CLIC4: variants seen among roughly 807,000 people sequenced by gnomAD.
The protein encoded by CLIC4 is chloride intracellular channel protein 4.
CLIC4 carries 13 observed loss-of-function variants against 24.6 expected under a neutral mutation model. That is an observed-to-expected ratio of 0.53 (90% CI 0.34 to 0.84). The LOEUF (loss-of-function observed/expected upper bound fraction) is 0.84, where lower values mean the gene tolerates loss of function less well. Ranked by LOEUF, CLIC4 falls within the 40% of genes least tolerant of loss-of-function variation. The pLI is 0.01. For missense variants in CLIC4, 227 were observed against 301.7 expected (o/e 0.75, Z 1.83); for synonymous variants, 104 against 111.3 (o/e 0.93, Z 0.41).
intron 1 of CLIC4, among the ~76,000 whole-genome samples, chr1:24,785,878 A>G (rs907872219): frequency 6.9e-6 from 1 of 145,644 alleles, no homozygotes; most frequent in African/African-American, 2.5e-5. Flanking sequence ...AAAAAAAAAG[A>G]AAAGAAAAAA....
At chr1:24,748,918 TA>T (rs148035886) in intron 1 of CLIC4, among the ~76,000 whole-genome samples, 4,837 of 152,096 alleles carry the variant, frequency 0.032, 291 homozygotes, top group African/African-American at 0.11. Flanking sequence ...CCCTTGTAAA[TA>T]TAGTTATTTT....
At chr1:24,769,223 C>T (rs1232938919) in intron 1 of CLIC4, among the ~76,000 whole-genome samples, 1 of 152,134 alleles carries the variant, frequency 6.6e-6, no homozygotes, top group Non-Finnish European at 1.5e-5. Context: ...TTTTCTGAAG[C>T]TACTTAATTT....
intron 1 of CLIC4, among the ~76,000 whole-genome samples, chr1:24,749,034 C>T (rs1225120827): frequency 6.6e-6 from 1 of 151,756 alleles, no homozygotes; most frequent in Non-Finnish European, 1.5e-5. Flanking sequence ...GGCAACATGG[C>T]GAAACCGCAT....
chr1:24,795,426 G>T (rs745828155), intron 1 of CLIC4, among the ~76,000 whole-genome samples: 2 of 152,066 alleles, frequency 1.3e-5, no homozygotes, highest in African/African-American at 2.4e-5. Context: ...GGAGGCTGAG[G>T]CGGGAGTATT....
chr1:24,836,525 T>TGATAGATATCAATAACAAAAGTAC (rs1165042387), intron 4 of CLIC4, among the ~76,000 whole-genome samples: 3 of 152,210 alleles, frequency 2.0e-5, no homozygotes, highest in Non-Finnish European at 4.4e-5. Context: ...AAAGAAAATA[T>TGATAGATATCAATAACAAAAGTAC]GATAGATATC....
chr1:24,746,224 G>T (rs1638695885), intron 1 of CLIC4, among the ~76,000 whole-genome samples: 2 of 152,360 alleles, frequency 1.3e-5, no homozygotes, highest in Admixed American at 1.3e-4. Flanking sequence ...CCCAACTTGT[G>T]TTTTTCTGTC....
In CLIC4 at chr1:24,827,046, T is replaced by C. The variant is rs779816492; in HGVS notation, c.345T>C (p.Asn115=). The change falls in exon 4 of 6, where the codon AAT becomes AAC. Residue 115 remains asparagine (N), a synonymous_variant. Coordinates refer to ENST00000374379, the MANE Select transcript of CLIC4 (RefSeq NM_013943.3). ...LKLSPKHPES[N]TAGMDIFAKF... is the part of the protein sequence containing the mutation. ...TTTCACCAAAACACCCAGAATCAAA[T>C]ACTGCTGGAATGGACATCTTTGCCA... 4 of 1,611,334 alleles carry C rather than the reference T, an allele frequency of 2.5e-6. No homozygotes were observed. Among genetic ancestry groups the C allele is most frequent in the Non-Finnish European group, 3.4e-6 (4 of 1,178,972 alleles).
Position 24,751,000 on chromosome 1 carries a change from C to T in CLIC4, c.72+5375C>T, listed in dbSNP as rs1014659755. On this transcript the variant is annotated intron_variant, in intron 1 of 5. Transcript: ENST00000374379. ...CCAAATGTTTGAAATGAGATTGTGC[C>T]CTTCTTTCAGAGAATTCTGTTGTTG... Among the ~76,000 whole-genome samples the T allele has an allele frequency of 2.0e-5, 3 of 151,548 alleles. No homozygotes were observed. The Admixed American group carries it at 2.0e-4, about 10-fold the overall frequency.
At chr1:24,797,562 G>A (rs28556273) in intron 1 of CLIC4, among the ~76,000 whole-genome samples, 180 bp from the exon 2 acceptor site, 2,034 of 123,904 alleles carry the variant, frequency 0.016, no homozygotes, top group African/African-American at 0.02. Flanking sequence ...CTCAAAAAAA[G>A]AAAAAAAAAA....
chr1:24,749,022 T>C (rs566804965), intron 1 of CLIC4, among the ~76,000 whole-genome samples: 95 of 152,070 alleles, frequency 6.2e-4, no homozygotes, highest in African/African-American at 2.0e-3. Context: ...GAGACCAGCC[T>C]GGGCAACATG....
intron 1 of CLIC4, among the ~76,000 whole-genome samples, chr1:24,757,000 A>G (rs985506725): frequency 2.6e-5 from 4 of 152,000 alleles, no homozygotes; most frequent in African/African-American, 7.2e-5. Context: ...GGTTCAAGCA[A>G]TTCTCCTGCC....
intron 2 of CLIC4, among the ~76,000 whole-genome samples, chr1:24,799,424 C>T (rs1165346410): frequency 6.6e-6 from 1 of 150,732 alleles, no homozygotes; most frequent in African/African-American, 2.4e-5. Flanking sequence ...ACCACCCCGT[C>T]TGAGAAGTGA....
chr1:24,799,381 C>T (rs1254095983), intron 2 of CLIC4, among the ~76,000 whole-genome samples: 7 of 151,372 alleles, frequency 4.6e-5, no homozygotes, highest in Non-Finnish European at 2.9e-5. Flanking sequence ...CCGGCCGCCC[C>T]GTCTGAGAAG....
At chr1:24,829,650 A>G (rs1639820565) in intron 4 of CLIC4, among the ~76,000 whole-genome samples, 1 of 152,156 alleles carries the variant, frequency 6.6e-6, no homozygotes, top group Non-Finnish European at 1.5e-5. Flanking sequence ...ATACTCATAA[A>G]AGAGATGTGA....
chr1:24,795,695 C>T (rs184837203), intron 1 of CLIC4, among the ~76,000 whole-genome samples: 301 of 152,162 alleles, frequency 2.0e-3, no homozygotes, highest in Non-Finnish European at 3.0e-3. Context: ...CTCAGCCCCC[C>T]GGGTAGCTGG....
At chr1:24,811,552 A>G (rs1039320054) in intron 2 of CLIC4, among the ~76,000 whole-genome samples, 2 of 152,054 alleles carry the variant, frequency 1.3e-5, no homozygotes, top group Non-Finnish European at 2.9e-5. Context: ...TGTTCACTGC[A>G]GCCTCGACCG....
chr1:24,791,417 A>T (rs556290752), intron 1 of CLIC4, among the ~76,000 whole-genome samples: 10 of 152,228 alleles, frequency 6.6e-5, no homozygotes, highest in Admixed American at 5.2e-4. Flanking sequence ...GGATTAAAGG[A>T]GAAGGTTTTT....
At chr1:24,754,365 G>A (rs1198833512) in intron 1 of CLIC4, among the ~76,000 whole-genome samples, 1 of 152,216 alleles carries the variant, frequency 6.6e-6, no homozygotes, top group Non-Finnish European at 1.5e-5. Context: ...CTAGAAGCCA[G>A]TAAGTAAGGA....
intron 1 of CLIC4, among the ~76,000 whole-genome samples, chr1:24,768,309 AT>A (rs2124098416): frequency 6.6e-6 from 1 of 152,200 alleles, no homozygotes; most frequent in African/African-American, 2.4e-5. Flanking sequence ...CTATTTCTTG[AT>A]TTTTGTGGTA....
Sources: gnomAD v4.1 joint callset for allele counts (sites outside exome capture counted in the v4.1 genomes callset) on GRCh38, gnomAD v4.1.1 for gene constraint, MANE v1.5 for transcripts, NCBI Gene and HGNC (gene_info 2026-07-23, HGNC 2026-07-21) for gene names.